MED12L: variants seen among roughly 807,000 people sequenced by gnomAD.
MED12L encodes mediator of RNA polymerase II transcription subunit 12-like protein.
Under a neutral mutation model 281.3 loss-of-function variants are expected in MED12L, and 60 were observed. The observed-to-expected ratio is 0.21, with a 90% CI of 0.17 to 0.26. The LOEUF is 0.26. Among genes scored for constraint, MED12L ranks in the 10% least tolerant of loss-of-function variants. The pLI, the probability that MED12L is intolerant of heterozygous loss-of-function variation, is 1.00. For synonymous variants in MED12L, 974 were observed against 987.2 expected, an observed-to-expected ratio of 0.99 and a Z score of 0.25; for missense variants, 2,146 against 2,680.9, an observed-to-expected ratio of 0.80 and a Z score of 4.41.
intron 5 of MED12L, among the ~76,000 whole-genome samples, chr3:151,137,850 C>G (rs1716375103): frequency 6.6e-6 from 1 of 151,458 alleles, no homozygotes; most frequent in Non-Finnish European, 1.5e-5. Flanking sequence ...TAAAATGATT[C>G]TCTCTGCAGT....
intron 16 of MED12L, among the ~76,000 whole-genome samples, chr3:151,308,269 T>C (rs1746989476): frequency 6.6e-6 from 1 of 152,184 alleles, no homozygotes. Flanking sequence ...CTATGGCTAT[T>C]GTGAGTCAGA....
chr3:151,434,753 T>TTTGTAGCTCA lies in MED12L; in HGVS notation c.*1950_*1959dup, dbSNP rs1719908782. 1 of 152,238 alleles carries TTTGTAGCTCA rather than the reference T, an allele frequency of 6.6e-6. No individual in the cohort carries two copies. The highest frequency in any genetic ancestry group is 6.5e-5 in the Admixed American group (1 of 15,284). 9.4% of individuals were successfully genotyped at this position (152,238 alleles called of 1,614,324 possible). ...TGCCAGTTCAGTTTGAACCATATAT[T>TTTGTAGCTCA]TTGTAGCTCAGCATTGCAAACAACA... is the stretch of plus-strand genomic sequence containing the variant. On this transcript the variant is annotated 3_prime_UTR_variant, in exon 45 of 45. Transcript: ENST00000687756.
chr3:151,116,932 C>G (rs1712912256), intron 3 of MED12L, among the ~76,000 whole-genome samples: 1 of 152,118 alleles, frequency 6.6e-6, no homozygotes, highest in African/African-American at 2.4e-5. Context: ...GAAAGGTAGT[C>G]CTCTCTACCT....
chr3:151,086,589 C>A (rs890849802), intron 1 of MED12L: 1 of 198,098 alleles, frequency 5.0e-6, no homozygotes, highest in African/African-American at 2.3e-5. Flanking sequence ...TCAGCTGCTC[C>A]TCCCCCTGGA....
intron 16 of MED12L, among the ~76,000 whole-genome samples, chr3:151,195,251 GTTATTTATTTAT>G (rs1014678814): frequency 6.6e-6 from 1 of 152,084 alleles, no homozygotes; most frequent in African/African-American, 2.4e-5. Flanking sequence ...ATTCTGTTAA[GTTATTTATTTAT>G]TTATTTATTT....
chr3:151,405,371 T>C (rs1266123448), intron 39 of MED12L, among the ~76,000 whole-genome samples: 4 of 152,190 alleles, frequency 2.6e-5, no homozygotes, highest in Non-Finnish European at 4.4e-5. Flanking sequence ...ACAAGTCAGG[T>C]ATCTGAGCCA....
chr3:151,265,371 G>T (rs954189360), intron 16 of MED12L, among the ~76,000 whole-genome samples: 1 of 152,176 alleles, frequency 6.6e-6, no homozygotes, highest in African/African-American at 2.4e-5. Flanking sequence ...GAATTTCTGA[G>T]AATTTTTTAA....
At chr3:151,357,139 G>A in intron 19 of MED12L, 74 bp from the exon 20 acceptor site, 1 of 1,302,222 alleles carries the variant, frequency 7.7e-7, no homozygotes, top group Non-Finnish European at 1.0e-6. Context: ...GTATATCTAT[G>A]GTTTATAAAA....
chr3:151,369,551 T>G lies in MED12L; in HGVS notation c.3664+2T>G. The G allele has an allele frequency of 6.3e-7, 1 of 1,588,620 alleles. No individual in the cohort carries two copies. Among genetic ancestry groups the G allele is most frequent in the African/African-American group, 1.3e-5 (1 of 74,402 alleles). ...TCTTAAAAGCAATTATGATGCTTGG[T>G]AAGATTATTCTGACCCTAAGCTTCT... On this transcript the variant is annotated splice_donor_variant, in intron 26 of 44. Transcript: ENST00000687756. LOFTEE classifies it high-confidence loss of function.
chr3:151,235,585 G>A (rs139063691), intron 16 of MED12L, among the ~76,000 whole-genome samples: 6 of 152,076 alleles, frequency 3.9e-5, no homozygotes, highest in Admixed American at 1.3e-4. Flanking sequence ...TCCCAGTTAC[G>A]CGGGAGGCTG....
At chr3:151,249,064 A>G (rs1736336246) in intron 16 of MED12L, 1 of 152,220 alleles carries the variant, frequency 6.6e-6, no homozygotes, top group African/African-American at 2.4e-5. Flanking sequence ...CTTGAATGTC[A>G]GGTACTACAG....
At position 151,411,355 on chromosome 3, in the gene MED12L, G is replaced by A. The variant is rs1716908916; in HGVS notation, c.5988G>A (p.Val1996=). ...CATCGCAGCAGCAGGCTGGCAGTGT[G>A]GTCCTGTCTCCCAGCTATAACTCCA... The part of the protein sequence containing the change: ...QQTSQQQAGS[V]VLSPSYNSRA... The change falls in exon 41 of 45, where the codon GTG becomes GTA. Residue 1996 remains valine, a synonymous_variant. Transcript: ENST00000687756. 1 of 1,614,038 alleles carries A rather than the reference G, an allele frequency of 6.2e-7. No individual in the cohort carries two copies. The highest frequency in any genetic ancestry group is 1.3e-5 in the African/African-American group (1 of 74,914).
chr3:151,398,394 A>G (rs1459206815), intron 39 of MED12L, among the ~76,000 whole-genome samples: 1 of 152,228 alleles, frequency 6.6e-6, no homozygotes, highest in Non-Finnish European at 1.5e-5. Context: ...GTGATACACA[A>G]TGAAAACTAG....
At chr3:151,176,281 G>A (rs1722033431) in intron 11 of MED12L, among the ~76,000 whole-genome samples, 1 of 152,116 alleles carries the variant, frequency 6.6e-6, no homozygotes. Flanking sequence ...AGGGCATACT[G>A]TATAACAAAC....
intron 16 of MED12L, chr3:151,261,482 C>T (rs1738872470): frequency 6.6e-6 from 1 of 152,138 alleles, no homozygotes; most frequent in African/African-American, 2.4e-5. Context: ...TCATACATTA[C>T]TTCCGTTAGA....
At chr3:151,183,293 G>C (rs1210737777) in intron 11 of MED12L, among the ~76,000 whole-genome samples, 1 of 152,144 alleles carries the variant, frequency 6.6e-6, no homozygotes, top group Non-Finnish European at 1.5e-5. Flanking sequence ...GCAGTGTATA[G>C]AGCCTCTTAT....
chr3:151,256,874 T>A (rs1485046200), intron 16 of MED12L, among the ~76,000 whole-genome samples: 6 of 151,676 alleles, frequency 4.0e-5, no homozygotes, highest in East Asian at 1.9e-4. Context: ...TTTTTTTTTT[T>A]AAATGGGTCA....
In MED12L at chr3:151,414,789, T is replaced by C. The variant is rs546050590; in HGVS notation, c.6297+1494T>C. ...AGAGTATGGCCTTCAGATAGCAATC[T>C]CAGTCATTGTATAGATGTTGTTTCC... On this transcript the variant is annotated intron_variant, in intron 42 of 44. Coordinates refer to ENST00000687756, the MANE Select transcript of MED12L (RefSeq NM_001393769.1). 5.3e-5 allele frequency among the ~76,000 whole-genome samples: 8 copies of C among 151,084 alleles called. No homozygotes were observed. The Admixed American group carries it at 5.3e-4, about 10-fold the overall frequency.
intron 16 of MED12L, among the ~76,000 whole-genome samples, chr3:151,279,151 C>T (rs778828468): frequency 6.6e-6 from 1 of 152,164 alleles, no homozygotes; most frequent in African/African-American, 2.4e-5. Flanking sequence ...AAGTGTATAA[C>T]TCAGAACCAG....
Sources: gnomAD v4.1 joint callset for allele counts (sites outside exome capture counted in the v4.1 genomes callset) on GRCh38, gnomAD v4.1.1 for gene constraint, MANE v1.5 for transcripts, NCBI Gene and HGNC (gene_info 2026-07-23, HGNC 2026-07-21) for gene names.